The following LYPD6B variants were observed in gnomAD, a reference collection of about 807,000 sequenced individuals.
LYPD6B encodes ly6/PLAUR domain-containing protein 6B.
In LYPD6B, 17 loss-of-function variants were observed where a neutral mutation model predicts 22.8. That is an observed-to-expected ratio of 0.75 (90% confidence interval 0.51 to 1.12). LYPD6B has a LOEUF of 1.12. Ranked by LOEUF, LYPD6B falls within the 50% of genes most tolerant of loss-of-function variation. The pLI, the probability that LYPD6B is intolerant of heterozygous loss-of-function variation, is 0.00. For missense variants in LYPD6B, 221 were observed against 258.3 expected (o/e 0.86, Z 0.99); for synonymous variants, 106 against 91.6 (o/e 1.16, Z -0.90).
At chr2:149,142,786 A>C (rs1019045829) in intron 2 of LYPD6B, among the ~76,000 whole-genome samples, 5 of 152,162 alleles carry the variant, frequency 3.3e-5, no homozygotes, top group African/African-American at 1.2e-4. Flanking sequence ...CTACAAGTGC[A>C]TGCCACTACG....
rs145004534 is a variant in LYPD6B, at chr2:149,209,429, T to C, written c.328+1017T>C. On this transcript the variant is annotated intron_variant, in intron 5 of 6. Coordinates refer to ENST00000409642, the MANE Select transcript of LYPD6B (RefSeq NM_177964.5). Reference sequence around the variant, plus strand: ...CAGACAGAATGTGCTGATGGATGAATTGAAATGTTAAAACCCTACTTAGGA... The same window carrying C: ...CAGACAGAATGTGCTGATGGATGAACTGAAATGTTAAAACCCTACTTAGGA... Among the ~76,000 whole-genome samples the C allele has an allele frequency of 2.3e-4, 35 of 152,308 alleles. No homozygotes were observed. The East Asian group carries it at 2.5e-3, about 11-fold the overall frequency.
At chr2:149,110,815 C>A (rs928532977) in intron 1 of LYPD6B, among the ~76,000 whole-genome samples, 3 of 151,782 alleles carry the variant, frequency 2.0e-5, no homozygotes, top group Admixed American at 6.6e-5. Context: ...TGGAGACAGA[C>A]AATAGTTCTG....
intron 1 of LYPD6B, among the ~76,000 whole-genome samples, chr2:149,120,300 T>C (rs1268458524): frequency 4.5e-5 from 6 of 133,854 alleles, no homozygotes; most frequent in South Asian, 2.3e-4. Flanking sequence ...TATATACACA[T>C]ATATATATAT....
At chr2:149,135,455 C>T (rs1688298843) in intron 2 of LYPD6B, among the ~76,000 whole-genome samples, 2 of 151,556 alleles carry the variant, frequency 1.3e-5, no homozygotes, top group Admixed American at 1.3e-4. Flanking sequence ...CACGGTGACT[C>T]ACGCTTGTAA....
At chr2:149,097,046 C>G (rs1348376126) in intron 1 of LYPD6B, among the ~76,000 whole-genome samples, 1 of 152,178 alleles carries the variant, frequency 6.6e-6, no homozygotes, top group Non-Finnish European at 1.5e-5. Context: ...TAAACATGTG[C>G]TCAAAAATAG....
At chr2:149,079,878 C>T (rs952194132) in intron 1 of LYPD6B, among the ~76,000 whole-genome samples, 1 of 152,180 alleles carries the variant, frequency 6.6e-6, no homozygotes, top group African/African-American at 2.4e-5. Context: ...CTTTCATTCT[C>T]GCAACCTTTT....
At chr2:149,161,883 C>T (rs757335495) in intron 3 of LYPD6B, among the ~76,000 whole-genome samples, 2 of 152,086 alleles carry the variant, frequency 1.3e-5, no homozygotes, top group East Asian at 1.9e-4. Flanking sequence ...TACTAAGATG[C>T]CTTTCTAAAT....
intron 1 of LYPD6B, among the ~76,000 whole-genome samples, chr2:149,059,518 A>G (rs1322461053): frequency 6.6e-6 from 1 of 152,244 alleles, no homozygotes; most frequent in East Asian, 1.9e-4. Context: ...GGTGTTGAGC[A>G]GTTTAATTAA....
intron 3 of LYPD6B, among the ~76,000 whole-genome samples, chr2:149,189,849 C>T (rs567291189): frequency 6.6e-6 from 1 of 152,106 alleles, no homozygotes; most frequent in African/African-American, 2.4e-5. Flanking sequence ...CCAAATGATG[C>T]ATTTCAAAGC....
At position 149,053,166 on chromosome 2, in the gene LYPD6B, G is replaced by A. The variant is rs750557213; in HGVS notation, c.-67+14365G>A. ...GAGGTATGATAGATACCTTTCATTC[G>A]TACATACATACATACATATGGAGGT... is the stretch of plus-strand genomic sequence containing the variant. On this transcript the variant is annotated intron_variant, in intron 1 of 6. Transcript: ENST00000409642. Among the ~76,000 whole-genome samples the A allele has an allele frequency of 4.0e-5, 6 of 151,804 alleles. No individual in the cohort carries two copies. In the South Asian group the frequency reaches 6.2e-4, roughly 16 times the overall value.
At chr2:149,172,378 G>A (rs1256212539) in intron 3 of LYPD6B, among the ~76,000 whole-genome samples, 1 of 152,108 alleles carries the variant, frequency 6.6e-6, no homozygotes, top group Non-Finnish European at 1.5e-5. Context: ...TTACATTAAG[G>A]TATCAGCAGC....
chr2:149,041,617 T>G (rs1683093201), intron 1 of LYPD6B, among the ~76,000 whole-genome samples: 2 of 152,170 alleles, frequency 1.3e-5, no homozygotes. Flanking sequence ...CCTGTTGGGC[T>G]GTTAGGTAGG....
chr2:149,106,565 G>T (rs1477979686), intron 1 of LYPD6B, among the ~76,000 whole-genome samples: 1 of 152,134 alleles, frequency 6.6e-6, no homozygotes, highest in Non-Finnish European at 1.5e-5. Flanking sequence ...CTGGTATAAA[G>T]TTGTTTATAA....
chr2:149,114,716 A>G (rs1011283064), intron 1 of LYPD6B, among the ~76,000 whole-genome samples: 43 of 152,184 alleles, frequency 2.8e-4, no homozygotes, highest in African/African-American at 1.0e-3. Flanking sequence ...TCAACCAGTC[A>G]TTGCCAAGAC....
At chr2:149,140,114 C>G (rs192787907) in intron 2 of LYPD6B, among the ~76,000 whole-genome samples, 133 of 152,190 alleles carry the variant, frequency 8.7e-4, no homozygotes, top group Non-Finnish European at 1.6e-3. Flanking sequence ...CGTATATAAC[C>G]TGCTCCCAGA....
intron 1 of LYPD6B, among the ~76,000 whole-genome samples, chr2:149,124,270 G>A (rs766429529): frequency 2.6e-5 from 4 of 152,148 alleles, no homozygotes; most frequent in South Asian, 2.1e-4. Context: ...TTCTGGGGCC[G>A]AGACCAACTA....
At position 149,079,419 on chromosome 2, in the gene LYPD6B, A is replaced by C. The variant is rs79760925; in HGVS notation, c.-67+40618A>C. Among the ~76,000 whole-genome samples the C allele has an allele frequency of 8.0e-3, 1,223 of 152,308 alleles. 14 individuals carry two copies. Among genetic ancestry groups the C allele is most frequent in the Non-Finnish European group, 0.014 (958 of 68,016 alleles). On this transcript the variant is annotated intron_variant, in intron 1 of 6. Transcript: ENST00000409642. ...AATCCTAACATAAAATCTAACATTG[A>C]TCACTTTTAGAGGTTCCTTTTTATT... is the stretch of plus-strand genomic sequence containing the variant.
intron 1 of LYPD6B, chr2:149,068,894 T>C: frequency 3.3e-6 from 1 of 298,790 alleles, no homozygotes. Flanking sequence ...AAACTTCTGC[T>C]CAATTTGCTT....
chr2:149,121,822 G>A (rs1687375548), intron 1 of LYPD6B, among the ~76,000 whole-genome samples: 1 of 152,094 alleles, frequency 6.6e-6, no homozygotes. Flanking sequence ...TCAACCTCCT[G>A]TTCCTCTCTC....
Sources: allele counts gnomAD v4.1 joint callset (sites outside exome capture counted in the v4.1 genomes callset), GRCh38; gene constraint gnomAD v4.1.1; transcripts MANE v1.5; gene names NCBI Gene and HGNC (gene_info 2026-07-23, HGNC 2026-07-21).